The following MTBP variants were observed in gnomAD, a reference collection of about 807,000 sequenced individuals.
MTBP encodes the protein mdm2-binding protein.
MTBP carries 101 observed loss-of-function variants against 117.0 expected under a neutral mutation model. The ratio of observed to expected loss-of-function variants is 0.86; its 90% CI spans 0.73 to 1.02. The LOEUF (loss-of-function observed/expected upper bound fraction) is 1.02. Ranked by LOEUF, MTBP falls within the 50% of genes least tolerant of loss-of-function variation. The pLI is 0.00. For synonymous variants in MTBP, 350 were observed against 351.5 expected, an observed-to-expected ratio of 1.00 and a Z score of 0.05; for missense variants, 970 against 1,030.9, an observed-to-expected ratio of 0.94 and a Z score of 0.81.
At chr8:120,505,134 G>C (rs1432897614) in intron 15 of MTBP, among the ~76,000 whole-genome samples, 1 of 151,742 alleles carries the variant, frequency 6.6e-6, no homozygotes, top group Non-Finnish European at 1.5e-5. Context: ...TTCATAACTA[G>C]GAATATAGGG....
intron 10 of MTBP, among the ~76,000 whole-genome samples, chr8:120,469,316 G>T (rs143635135): frequency 0.013 from 2,032 of 152,222 alleles, 42 homozygotes; most frequent in African/African-American, 0.046. Flanking sequence ...AAAGTGCTGA[G>T]ATTACAGGTA....
intron 5 of MTBP, 69 bp from the exon 6 acceptor site, chr8:120,455,366 G>T (rs1813445989): frequency 1.2e-6 from 1 of 859,998 alleles, no homozygotes; most frequent in Non-Finnish European, 1.8e-6. Context: ...CAGTTCTTCA[G>T]GGTACTATTT....
At chr8:120,521,234 A>G (rs987543661) in intron 20 of MTBP, among the ~76,000 whole-genome samples, 1 of 152,206 alleles carries the variant, frequency 6.6e-6, no homozygotes, top group Admixed American at 6.5e-5. Context: ...TGAAAAACCC[A>G]GAATTATATA....
chr8:120,507,195 T>C (rs1814705527), intron 16 of MTBP, among the ~76,000 whole-genome samples: 1 of 152,100 alleles, frequency 6.6e-6, no homozygotes, highest in African/African-American at 2.4e-5. Flanking sequence ...TAGTTCTCTT[T>C]TCTGTGTTAC....
At position 120,518,761 on chromosome 8, in the gene MTBP, G is replaced by C. The variant is rs370064415; in HGVS notation, c.2554G>C (p.Glu852Gln). ...LKKHSITETHECFTACSQRLF... is the reference protein window; with the variant it reads ...LKKHSITETHQCFTACSQRLF... Reference sequence around the variant, plus strand: ...GAAACACAGTATTACCGAGACTCATGAATGTTTCACTGCATGCAGCCAGCG... The same window carrying C: ...GAAACACAGTATTACCGAGACTCATCAATGTTTCACTGCATGCAGCCAGCG... The change falls in exon 20 of 22, where the codon GAA becomes CAA. Residue 852 changes from glutamate to glutamine, a missense_variant. Glu to Gln is a conservative substitution (Grantham distance 29). Transcript: ENST00000305949. 1 of 1,612,070 alleles carries C rather than the reference G, an allele frequency of 6.2e-7. No homozygotes were observed. The highest frequency in any genetic ancestry group is 8.5e-7 in the Non-Finnish European group (1 of 1,178,724).
intron 10 of MTBP, among the ~76,000 whole-genome samples, chr8:120,467,890 T>C (rs920381518): frequency 2.0e-5 from 3 of 152,228 alleles, no homozygotes; most frequent in African/African-American, 7.2e-5. Context: ...TGTGGCCATT[T>C]CAGCTAATGG....
chr8:120,454,144 T>C (rs1021159613), intron 5 of MTBP, among the ~76,000 whole-genome samples: 2 of 152,164 alleles, frequency 1.3e-5, no homozygotes, highest in Non-Finnish European at 2.9e-5. Flanking sequence ...GGACATTAAA[T>C]AACTATCTCT....
chr8:120,454,153 C>T (rs1813420799), intron 5 of MTBP, among the ~76,000 whole-genome samples: 1 of 152,058 alleles, frequency 6.6e-6, no homozygotes, highest in African/African-American at 2.4e-5. Context: ...ATAACTATCT[C>T]TGTTTCTTTA....
intron 6 of MTBP, 126 bp downstream of exon 6, chr8:120,455,705 T>C: frequency 1.2e-6 from 1 of 859,812 alleles, no homozygotes; most frequent in South Asian, 1.6e-5. Context: ...TTCTATGTTA[T>C]ACCATGATTG....
intron 14 of MTBP, among the ~76,000 whole-genome samples, chr8:120,501,289 G>C (rs991944039): frequency 7.2e-5 from 11 of 152,038 alleles, no homozygotes; most frequent in African/African-American, 2.4e-4. Context: ...GTGAACCTGG[G>C]AGGCGGAGCT....
chr8:120,464,160 A>G (rs1166767906), intron 10 of MTBP, among the ~76,000 whole-genome samples: 3 of 152,160 alleles, frequency 2.0e-5, no homozygotes, highest in Middle Eastern at 3.4e-3. Context: ...GGAAAAAGCT[A>G]AAGTTCTACT....
chr8:120,446,146 T>C (rs1001016707), intron 1 of MTBP, among the ~76,000 whole-genome samples: 70 of 152,366 alleles, frequency 4.6e-4, no homozygotes, highest in African/African-American at 1.6e-3. Context: ...TAAATGTATG[T>C]GGTTGTGTAT....
chr8:120,516,298 A>T lies in MTBP; in HGVS notation c.2246+107A>T, dbSNP rs181148011. The T allele has an allele frequency of 3.8e-6, 4 of 1,056,446 alleles. No individual in the cohort carries two copies. In the Admixed American group the frequency reaches 1.2e-4, roughly 31 times the overall value. 65.4% of individuals were successfully genotyped at this position (1,056,446 alleles called of 1,614,324 possible). A position where few individuals can be genotyped will look rare whatever the true frequency, so the allele number is the denominator to read the frequency against. On this transcript the variant is annotated intron_variant, in intron 18 of 21. Transcript: ENST00000305949. ...CTTTCAGGTTAATTTCTTCATGGCA[A>T]GAAGTTTGTTTTATGAGCTGTTGAT... is the stretch of plus-strand genomic sequence containing the variant.
chr8:120,468,825 T>C (rs1233313395), intron 10 of MTBP, among the ~76,000 whole-genome samples: 3 of 151,958 alleles, frequency 2.0e-5, no homozygotes, highest in Non-Finnish European at 2.9e-5. Context: ...ACCATGACCT[T>C]TTTTTTAGTG....
chr8:120,504,693 C>T (rs1814656981), intron 15 of MTBP, among the ~76,000 whole-genome samples: 1 of 151,856 alleles, frequency 6.6e-6, no homozygotes. Flanking sequence ...TTCTTCAATA[C>T]TATTCTTCCC....
At chr8:120,487,388 T>C (rs1343175252) in intron 11 of MTBP, among the ~76,000 whole-genome samples, 2 of 152,234 alleles carry the variant, frequency 1.3e-5, no homozygotes, top group Admixed American at 6.5e-5. Flanking sequence ...ATTGTTCATA[T>C]GCTTTTCTGC....
chr8:120,494,225 A>G (rs1330802761), intron 13 of MTBP, among the ~76,000 whole-genome samples: 1 of 152,180 alleles, frequency 6.6e-6, no homozygotes, highest in Non-Finnish European at 1.5e-5. Context: ...TAATGCTTTA[A>G]TCCTCTGTGT....
intron 13 of MTBP, among the ~76,000 whole-genome samples, chr8:120,496,712 A>G (rs886209838): frequency 4.6e-5 from 7 of 151,962 alleles, no homozygotes; most frequent in Non-Finnish European, 1.0e-4. Context: ...CCATACAAAA[A>G]AAAAAAAAGA....
intron 7 of MTBP, among the ~76,000 whole-genome samples, chr8:120,458,941 G>T (rs778869165): frequency 3.3e-5 from 5 of 151,872 alleles, no homozygotes; most frequent in Non-Finnish European, 7.4e-5. Flanking sequence ...ATGCAAAAGA[G>T]GTTGTTTGGT....
Sources: gnomAD v4.1 joint callset for allele counts (sites outside exome capture counted in the v4.1 genomes callset) on GRCh38, gnomAD v4.1.1 for gene constraint, MANE v1.5 for transcripts, NCBI Gene and HGNC (gene_info 2026-07-23, HGNC 2026-07-21) for gene names.